KIAA0586: variants seen among roughly 807,000 people sequenced by gnomAD.
KIAA0586 encodes KIAA0586.
In KIAA0586, 144 loss-of-function variants were observed where a neutral mutation model predicts 169.8. That is an observed-to-expected ratio of 0.85 (90% CI 0.74 to 0.97). The LOEUF (loss-of-function observed/expected upper bound fraction) is 0.97, where lower values mean the gene tolerates loss of function less well. Ranked by LOEUF, KIAA0586 falls within the 50% of genes least tolerant of loss-of-function variation. The probability of loss-of-function intolerance (pLI) is 0.00; values close to 1 mark genes in which losing one functional copy is unlikely to be tolerated. For synonymous variants in KIAA0586, 625 were observed against 612.4 expected, an observed-to-expected ratio of 1.02 and a Z score of -0.30; for missense variants, 1,854 against 1,823.0, an observed-to-expected ratio of 1.02 and a Z score of -0.31.
Position 58,508,580 on chromosome 14 carries a change from T to C in KIAA0586, c.4194T>C (p.Ala1398=), listed in dbSNP as rs1251304553. 6.3e-7 allele frequency: 1 copy of C among 1,595,146 alleles called. No homozygotes were observed. Among genetic ancestry groups the C allele is most frequent in the South Asian group, 1.1e-5 (1 of 87,674 alleles). The change falls in exon 28 of 31, where the codon GCT becomes GCC. Residue 1398 remains alanine, a synonymous_variant. Transcript: ENST00000652326. The part of the protein sequence containing the change: ...VSGSIYEDSC[A]SHGPMSLGEL... The stretch of plus-strand genomic sequence containing the variant: ...GTAGTATTTATGAAGATTCATGTGC[T>C]AGTCATGGTCCAATGAGTTTGGGAG...
At chr14:58,462,303 A>C (rs2040391798) in intron 14 of KIAA0586, among the ~76,000 whole-genome samples, 1 of 136,042 alleles carries the variant, frequency 7.4e-6, no homozygotes, top group Non-Finnish European at 1.5e-5. Context: ...GCTGGAGTGC[A>C]GTGGCACAGT....
chr14:58,452,530 A>G (rs1457346195), intron 8 of KIAA0586, among the ~76,000 whole-genome samples: 3 of 152,216 alleles, frequency 2.0e-5, no homozygotes, highest in Non-Finnish European at 4.4e-5. Context: ...TAAAGGATAG[A>G]TCCACTTATT....
At chr14:58,500,194 G>A (rs2043454082) in intron 27 of KIAA0586, among the ~76,000 whole-genome samples, 1 of 152,184 alleles carries the variant, frequency 6.6e-6, no homozygotes, top group South Asian at 2.1e-4. Context: ...TTAGGTTTCT[G>A]TGAGCCTCTG....
Position 58,498,783 on chromosome 14 carries a change from G to T in KIAA0586, c.3991G>T (p.Asp1331Tyr). Residue 1331 changes from aspartate (D) to tyrosine (Y), a missense_variant and splice_region_variant, in exon 27 of 31, where the codon GAC becomes TAC. By Grantham distance (160) the Asp-to-Tyr change is radical (BLOSUM62 -3). Transcript: ENST00000652326. ...VSQQAVYHSEDLENSVGELSE... is the reference protein window; with the variant it reads ...VSQQAVYHSEYLENSVGELSE... ...TAACAATTGTTTCTGCTTTTTAAAG[G>T]ACTTGGAAAACAGTGTGGGTGAACT... 1 of 1,585,206 alleles carries T rather than the reference G, an allele frequency of 6.3e-7. No individual in the cohort carries two copies. Among genetic ancestry groups the T allele is most frequent in the South Asian group, 1.2e-5 (1 of 84,268 alleles).
chr14:58,528,760 C>G (rs1343192068), intron 29 of KIAA0586, among the ~76,000 whole-genome samples: 5 of 152,128 alleles, frequency 3.3e-5, no homozygotes, highest in Non-Finnish European at 5.9e-5. Flanking sequence ...CAGGAAAGAT[C>G]TAAAATTGGC....
intron 29 of KIAA0586, among the ~76,000 whole-genome samples, chr14:58,539,579 T>A (rs1273146171): frequency 6.6e-6 from 1 of 152,196 alleles, no homozygotes; most frequent in African/African-American, 2.4e-5. Flanking sequence ...TACTAAAAAT[T>A]TGCTTTGCTA....
chr14:58,545,022 C>G (rs1236564383), intron 30 of KIAA0586, among the ~76,000 whole-genome samples: 1 of 152,150 alleles, frequency 6.6e-6, no homozygotes, highest in East Asian at 1.9e-4. Context: ...TGTTTATCTC[C>G]TCTACTAGGT....
At chr14:58,492,022 C>T in intron 25 of KIAA0586, 122 bp from the exon 26 acceptor site, 2 of 706,244 alleles carry the variant, frequency 2.8e-6, no homozygotes, top group South Asian at 2.9e-5. Flanking sequence ...GAGTTCATCT[C>T]CTTTCCAAAA....
At position 58,512,524 on chromosome 14, in the gene KIAA0586, C is replaced by A; in HGVS notation, c.4326C>A (p.Tyr1442Ter). Reference sequence around the variant, plus strand: ...ACTTCATATCTTAAATTATTTAGTACCAACTAAAGCAAAATCAGGATGTTA... The same window carrying A: ...ACTTCATATCTTAAATTATTTAGTAACAACTAAAGCAAAATCAGGATGTTA... ...LPVAAEDFSQ[Y>*]QLKQNQDVKQ... Residue 1442 changes from tyrosine (Y) to a stop codon, truncating the protein, a stop_gained and splice_region_variant, in exon 29 of 31, where the codon TAC (tyrosine) becomes TAA (stop). Coordinates refer to ENST00000652326, the MANE Select transcript of KIAA0586 (RefSeq NM_001329943.3). LOFTEE classifies it high-confidence loss of function. 6.7e-7 allele frequency: 1 copy of A among 1,485,160 alleles called. No homozygotes were observed. Among genetic ancestry groups the A allele is most frequent in the Non-Finnish European group, 9.0e-7 (1 of 1,112,638 alleles). 92.0% of individuals were successfully genotyped at this position (1,485,160 alleles called of 1,614,324 possible). A position where few individuals can be genotyped will look rare whatever the true frequency, so the allele number is the denominator to read the frequency against.
the KIAA0586 span, among the ~76,000 whole-genome samples, chr14:58,556,806 C>T: frequency 5.0e-3 from 760 of 152,188 alleles, 6 homozygotes; most frequent in African/African-American, 0.017. Flanking sequence ...AGTGCAATGG[C>T]TCGATCTCGG....
chr14:58,512,445 CTT>C, intron 28 of KIAA0586, 75 bp from the exon 29 acceptor site: 1 of 763,614 alleles, frequency 1.3e-6, no homozygotes, highest in East Asian at 3.3e-5. Flanking sequence ...TTTATAAACA[CTT>C]GAATAATTTG....
intron 29 of KIAA0586, among the ~76,000 whole-genome samples, chr14:58,537,809 G>T (rs184790791): frequency 3.9e-4 from 60 of 151,990 alleles, no homozygotes; most frequent in African/African-American, 1.4e-3. Flanking sequence ...CACCACGCCC[G>T]GCTAATTTTT....
intron 27 of KIAA0586, among the ~76,000 whole-genome samples, chr14:58,500,832 G>A (rs540827339): frequency 2.6e-5 from 4 of 152,046 alleles, no homozygotes; most frequent in East Asian, 1.9e-4. Context: ...ACAGCTTTAC[G>A]TATACTGTGA....
the KIAA0586 span, among the ~76,000 whole-genome samples, chr14:58,556,656 T>G: frequency 6.6e-6 from 1 of 152,218 alleles, no homozygotes; most frequent in Non-Finnish European, 1.5e-5. Flanking sequence ...TTCATGTAGG[T>G]AGAATTACAG....
intron 29 of KIAA0586, chr14:58,521,728 A>C: frequency 1.2e-6 from 1 of 845,872 alleles, no homozygotes; most frequent in Non-Finnish European, 2.1e-6. Flanking sequence ...AAGAAAATTG[A>C]AAAGGAACAG....
chr14:58,496,172 A>C (rs926575944), intron 26 of KIAA0586, among the ~76,000 whole-genome samples: 5 of 152,172 alleles, frequency 3.3e-5, no homozygotes, highest in Non-Finnish European at 5.9e-5. Context: ...CAAAACTGTA[A>C]TTTGTACATA....
At chr14:58,470,852 A>T (rs2041159376) in intron 17 of KIAA0586, 129 bp downstream of exon 17, 2 of 564,940 alleles carry the variant, frequency 3.5e-6, no homozygotes, top group East Asian at 6.6e-5. Flanking sequence ...AAAAGATTGA[A>T]AACAATTTTT....
intron 27 of KIAA0586, among the ~76,000 whole-genome samples, chr14:58,504,845 T>C (rs1288399280): frequency 6.6e-6 from 1 of 152,150 alleles, no homozygotes; most frequent in African/African-American, 2.4e-5. Context: ...GTACTCTCTA[T>C]AATTCTCTAA....
At chr14:58,512,714 T>G in intron 29 of KIAA0586, 87 bp downstream of exon 29, 1 of 717,968 alleles carries the variant, frequency 1.4e-6, no homozygotes, top group South Asian at 2.0e-5. Context: ...TTTTTATACA[T>G]CCCACTGCTC....
Sources: allele counts gnomAD v4.1 joint callset (sites outside exome capture counted in the v4.1 genomes callset), GRCh38; gene constraint gnomAD v4.1.1; transcripts MANE v1.5; gene names NCBI Gene and HGNC (gene_info 2026-07-23, HGNC 2026-07-21).